The following RPSA variants were observed in gnomAD, a reference collection of about 807,000 sequenced individuals.
The protein encoded by RPSA is ribosomal protein SA.
For missense variants in RPSA, 140 were observed against 372.8 expected, an observed-to-expected ratio of 0.38 and a Z score of 5.14; for synonymous variants, 103 against 126.7, an observed-to-expected ratio of 0.81 and a Z score of 1.25.
rs2042013660 is a variant in RPSA at position 39,412,074 on chromosome 3, A to G, written c.793+13A>G. 10 of 1,609,908 alleles carry G rather than the reference A, an allele frequency of 6.2e-6. 1 individual carries two copies. In the Admixed American group the frequency reaches 1.2e-4, roughly 19 times the overall value. ...CAATTCCCTACTGGTATGTATCAGGATAGAGGTGAATCAAGCTGATATTTT... is the reference window on the plus strand; with the variant it reads ...CAATTCCCTACTGGTATGTATCAGGGTAGAGGTGAATCAAGCTGATATTTT... On this transcript the variant is annotated intron_variant, in intron 6 of 6. Transcript: ENST00000301821.
chr3:39,409,493 G>A (rs941762451), intron 3 of RPSA, among the ~76,000 whole-genome samples: 2 of 152,172 alleles, frequency 1.3e-5, no homozygotes, highest in African/African-American at 4.8e-5. Flanking sequence ...AAGCCACTGC[G>A]CCCAGCCTGT....
chr3:39,409,311 C>T (rs1439381871), intron 3 of RPSA, among the ~76,000 whole-genome samples: 2 of 150,242 alleles, frequency 1.3e-5, no homozygotes, highest in African/African-American at 2.5e-5. Flanking sequence ...AAGGGATTCT[C>T]CTGCCTCATC....
chr3:39,411,043 A>G (rs1020196413), intron 4 of RPSA, 44 bp downstream of exon 4: 2 of 1,595,920 alleles, frequency 1.3e-6, no homozygotes, highest in Non-Finnish European at 1.7e-6. Context: ...GTGCTCTAGA[A>G]AAAACATTCC....
At chr3:39,407,969 G>A in intron 2 of RPSA, 183 bp downstream of exon 2, 1 of 573,396 alleles carries the variant, frequency 1.7e-6, no homozygotes, top group South Asian at 2.0e-5. Flanking sequence ...TGCTCCAGGG[G>A]AGGAATATGT....
intron 6 of RPSA, 66 bp from the exon 7 acceptor site, chr3:39,412,208 G>A (rs2042015471): frequency 1.5e-6 from 2 of 1,375,526 alleles, no homozygotes; most frequent in Non-Finnish European, 2.1e-6. Flanking sequence ...GCTGTTGGGA[G>A]TGGGGTAAGG....
chr3:39,411,453 A>AT (rs35233395), intron 4 of RPSA, 196 bp from the exon 5 acceptor site: 204 of 615,050 alleles, frequency 3.3e-4, no homozygotes, highest in Middle Eastern at 1.8e-3. Flanking sequence ...GTGTCCAGGC[A>AT]TTTTTTTTTC....
At chr3:39,407,478 A>G (rs2041935830) in intron 1 of RPSA, 143 bp from the exon 2 acceptor site, 15 of 719,264 alleles carry the variant, frequency 2.1e-5, no homozygotes, top group South Asian at 1.9e-4. Context: ...CACGACATGT[A>G]TGGGTTAACT....
intron 3 of RPSA, chr3:39,409,084 CAAA>C (rs752029969): frequency 5.1e-4 from 40 of 78,372 alleles, no homozygotes; most frequent in South Asian, 2.1e-3. Context: ...GACTCTGTCT[CAAA>C]AAAAAAAAAA....
intron 3 of RPSA, among the ~76,000 whole-genome samples, chr3:39,409,697 T>C (rs1322771857): frequency 1.3e-5 from 2 of 152,208 alleles, no homozygotes; most frequent in Admixed American, 6.5e-5. Context: ...TAGCCAGTCA[T>C]GACGGCATGC....
intron 3 of RPSA, chr3:39,408,979 A>C (rs71325530): frequency 2.5e-6 from 1 of 399,870 alleles, no homozygotes; most frequent in Non-Finnish European, 4.7e-6. Flanking sequence ...CCAGCTACTC[A>C]GGAGGCCAAA....
chr3:39,411,439 GCCAGTGT>G (rs1475178172), intron 4 of RPSA: 2 of 595,772 alleles, frequency 3.4e-6, no homozygotes, highest in Non-Finnish European at 5.9e-6. Flanking sequence ...TTTTTTAAAT[GCCAGTGT>G]CCAGGCATTT....
At chr3:39,409,696 A>T (rs562768729) in intron 3 of RPSA, among the ~76,000 whole-genome samples, 1 of 152,344 alleles carries the variant, frequency 6.6e-6, no homozygotes, top group South Asian at 2.1e-4. Context: ...TTAGCCAGTC[A>T]TGACGGCATG....
chr3:39,407,715 C>T lies in RPSA; in HGVS notation c.62C>T (p.Ala21Val). 3 of 1,588,580 alleles carry T rather than the reference C, an allele frequency of 1.9e-6. No individual in the cohort carries two copies. Among genetic ancestry groups the T allele is most frequent in the Non-Finnish European group, 2.6e-6 (3 of 1,170,756 alleles). ...GAGGATGTCCTTAAGTTCCTTGCAG[C>T]AGGAACCCACTTAGGTGGCACCAAT... is the stretch of plus-strand genomic sequence containing the variant. Reference protein sequence around the residue: ...KEEDVLKFLAAGTHLGGTNLD... With the variant: ...KEEDVLKFLAVGTHLGGTNLD... The change falls in exon 2 of 7, where the codon GCA becomes GTA. Residue 21 changes from alanine to valine, a missense_variant. Ala to Val is a moderately conservative substitution (Grantham distance 64, BLOSUM62 0). Transcript: ENST00000301821.
At chr3:39,411,370 G>A (rs1357122247) in intron 4 of RPSA, 5 of 562,642 alleles carry the variant, frequency 8.9e-6, no homozygotes, top group Non-Finnish European at 1.6e-5. Context: ...GGTGGGTTGT[G>A]TGTGGTTCAG....
intron 2 of RPSA, chr3:39,408,207 A>G (rs2041949331): frequency 2.6e-6 from 1 of 378,508 alleles, no homozygotes; most frequent in African/African-American, 2.1e-5. Context: ...TATTTTAGAG[A>G]TAAAGCTACC....
In RPSA at chr3:39,411,713, C is replaced by T. The variant is rs2042007805; in HGVS notation, c.563C>T (p.Thr188Ile). The T allele has an allele frequency of 6.2e-7, 1 of 1,601,276 alleles. No individual in the cohort carries two copies. The highest frequency in any genetic ancestry group is 1.7e-4 in the Middle Eastern group (1 of 6,060). Residue 188 changes from threonine (T) to isoleucine (I), a missense_variant, in exon 5 of 7, where the codon ACC becomes ATC. By Grantham distance (89) the Thr-to-Ile change is moderately conservative (BLOSUM62 -1). Coordinates refer to ENST00000301821, the MANE Select transcript of RPSA (RefSeq NM_002295.6). ...CGGGAAGTTCTGCGCATGCGTGGCA[C>T]CATTTCCCGTGAACACCCATGGGAG... ...LAREVLRMRGTISREHPWEVM... is the reference protein window; with the variant it reads ...LAREVLRMRGIISREHPWEVM...
intron 6 of RPSA, 65 bp from the exon 7 acceptor site, chr3:39,412,209 T>C: frequency 7.3e-7 from 1 of 1,376,700 alleles, no homozygotes; most frequent in East Asian, 2.3e-5. Context: ...CTGTTGGGAG[T>C]GGGGTAAGGA....
At chr3:39,407,152 C>A in intron 1 of RPSA, 1 of 370,308 alleles carries the variant, frequency 2.7e-6, no homozygotes, top group South Asian at 2.0e-5. Flanking sequence ...TCGCGCCGTG[C>A]GGGTCAGGAG....
intron 3 of RPSA, 143 bp from the exon 4 acceptor site, chr3:39,410,611 A>C: frequency 2.3e-6 from 2 of 885,994 alleles, no homozygotes; most frequent in South Asian, 1.4e-5. Context: ...TGGAGAAGTA[A>C]GAGAGGTTAA....
Sources: allele counts gnomAD v4.1 joint callset (sites outside exome capture counted in the v4.1 genomes callset), GRCh38; gene constraint gnomAD v4.1.1; transcripts MANE v1.5; gene names NCBI Gene and HGNC (gene_info 2026-07-23, HGNC 2026-07-21).